ZFR2: variants seen among roughly 807,000 people sequenced by gnomAD.
ZFR2 encodes zinc finger RNA-binding protein 2.
ZFR2 carries 104 observed loss-of-function variants against 105.7 expected under a neutral mutation model. The observed-to-expected ratio is 0.98, with a 90% confidence interval of 0.84 to 1.16. The LOEUF (loss-of-function observed/expected upper bound fraction) is 1.16, where lower values mean the gene tolerates loss of function less well. Ranked by LOEUF, ZFR2 falls within the 50% of genes most tolerant of loss-of-function variation. The probability of loss-of-function intolerance (pLI) is 0.00; values close to 1 mark genes in which losing one functional copy is unlikely to be tolerated. For synonymous variants in ZFR2, 634 were observed against 597.7 expected (o/e 1.06, Z -0.89); for missense variants, 1,425 against 1,355.5 (o/e 1.05, Z -0.80).
rs533280560 is a variant in ZFR2, at chr19:3,816,883, A to G, written c.1932-38T>C. 5.3e-6 allele frequency: 8 copies of G among 1,518,942 alleles called. No individual in the cohort carries two copies. The East Asian group carries it at 2.0e-4, about 38-fold the overall frequency. The allele number at this position is 1,518,942 out of a possible 1,614,324, so 94.1% of individuals were successfully genotyped here. ...AGCCACAGACGTGCGCCATCAGCGG[A>G]GAGACGCGGGGTACCCCAGCTGCCT... is the stretch of plus-strand genomic sequence containing the variant. On this transcript the variant is annotated intron_variant, in intron 12 of 18. Coordinates refer to ENST00000262961, the MANE Select transcript of ZFR2 (RefSeq NM_015174.2).
chr19:3,831,799 C>T lies in ZFR2; in HGVS notation c.459G>A (p.Val153=), dbSNP rs749563244. 2 of 1,609,966 alleles carry T rather than the reference C, an allele frequency of 1.2e-6. No homozygotes were observed. The highest frequency in any genetic ancestry group is 1.3e-5 in the African/African-American group (1 of 74,974). Residue 153 remains valine (V), a synonymous_variant, in exon 4 of 19, where the codon GTG becomes GTA. Coordinates refer to ENST00000262961, the MANE Select transcript of ZFR2 (RefSeq NM_015174.2). ...HAQPPQQAPI[V]ESGQPASTLS... ...AGGTGCTCGCTGGCTGTCCGGACTCCACTATGGGCGCCTGCTGTGGGGGCT... is the reference window on the plus strand; with the variant it reads ...AGGTGCTCGCTGGCTGTCCGGACTCTACTATGGGCGCCTGCTGTGGGGGCT...
At chr19:3,832,696 G>A (rs1355536281) in intron 3 of ZFR2, among the ~76,000 whole-genome samples, 1 of 151,224 alleles carries the variant, frequency 6.6e-6, no homozygotes, top group Non-Finnish European at 1.5e-5. Context: ...GGAGTGCAGT[G>A]GTGCGATCAC....
intron 1 of ZFR2, among the ~76,000 whole-genome samples, chr19:3,835,421 G>A (rs968460905): frequency 6.6e-6 from 1 of 151,500 alleles, no homozygotes; most frequent in Admixed American, 6.6e-5. Context: ...CGCCTCCCAG[G>A]TTCAAGCAAT....
intron 1 of ZFR2, among the ~76,000 whole-genome samples, chr19:3,859,601 C>T (rs375663610): frequency 1.1e-4 from 16 of 152,348 alleles, no homozygotes; most frequent in African/African-American, 3.6e-4. Context: ...TCTGCGACTG[C>T]GTGCAGCGTG....
chr19:3,807,367 CGTG>C, intron 17 of ZFR2, 98 bp from the exon 18 acceptor site: 2 of 846,500 alleles, frequency 2.4e-6, no homozygotes, highest in Non-Finnish European at 3.8e-6. Flanking sequence ...CTCAGGGGCC[CGTG>C]CATGGGGCTA....
chr19:3,806,513 G>T (rs919350882), intron 18 of ZFR2, among the ~76,000 whole-genome samples: 4 of 152,344 alleles, frequency 2.6e-5, no homozygotes, highest in Middle Eastern at 6.8e-3. Context: ...GCCCGCCTCG[G>T]CTTCCCAAAG....
chr19:3,827,322 G>T, intron 6 of ZFR2, 149 bp downstream of exon 6: 2 of 838,410 alleles, frequency 2.4e-6, no homozygotes, highest in Middle Eastern at 3.7e-4. Flanking sequence ...GGACGCATGG[G>T]CCTGGGCGGC....
chr19:3,806,046 C>T lies in ZFR2; in HGVS notation c.2723G>A (p.Gly908Glu). 1 of 1,538,110 alleles carries T rather than the reference C, an allele frequency of 6.5e-7. No individual in the cohort carries two copies. Among genetic ancestry groups the T allele is most frequent in the Non-Finnish European group, 8.7e-7 (1 of 1,143,102 alleles). ...CCGTTGCCTCTTCCGGAAGCGGGCC[C>T]CCAGCCGGTGTCTGGGCGGCAGGAG... is the stretch of plus-strand genomic sequence containing the variant. ...MDLLPPRHRL[G>E]ARFRKRQRGP... Residue 908 changes from glycine (G) to glutamate (E), a missense_variant, in exon 19 of 19, where the codon GGG becomes GAG. Physicochemically the swap from Gly to Glu is moderately conservative, Grantham distance 98. Coordinates refer to ENST00000262961, the MANE Select transcript of ZFR2 (RefSeq NM_015174.2).
rs907194183 is a variant in ZFR2, at chr19:3,813,330, C to T, written c.2242+490G>A. On this transcript the variant is annotated intron_variant, in intron 14 of 18. Transcript: ENST00000262961. This position sits in a 1 kb window ranked among gnomAD's most constrained non-coding sequence, Gnocchi z 4.4. ...GACCCTCGCTGCCCCTAGCCTGGCC[C>T]GGCCCCTCACCCACCCTCCCAGGCC... is the stretch of plus-strand genomic sequence containing the variant. Among the ~76,000 whole-genome samples, 4 of 152,162 alleles carry T rather than the reference C, an allele frequency of 2.6e-5. No homozygotes were observed. Among genetic ancestry groups the T allele is most frequent in the African/African-American group, 7.2e-5 (3 of 41,432 alleles).
At chr19:3,857,868 C>T (rs749695446) in intron 1 of ZFR2, among the ~76,000 whole-genome samples, 25 of 152,066 alleles carry the variant, frequency 1.6e-4, no homozygotes, top group Non-Finnish European at 3.1e-4. Context: ...AACAAGCACG[C>T]GCTGGTGCTG....
intron 1 of ZFR2, among the ~76,000 whole-genome samples, chr19:3,868,077 C>T (rs1264928491): frequency 6.6e-6 from 1 of 151,976 alleles, no homozygotes; most frequent in African/African-American, 2.4e-5. Flanking sequence ...CCTTCCCCTC[C>T]TCCTGCCCAG....
rs1003157736 is a variant in ZFR2, at chr19:3,813,037, G to A, written c.2242+783C>T. On this transcript the variant is annotated intron_variant, in intron 14 of 18. Transcript: ENST00000262961. The surrounding 1 kb of genome is among the most constrained non-coding windows in gnomAD (Gnocchi z 4.4). ...GGAAGTTGCAGTGAGCTGAGATTGCGCCATTGCACTCCAGCCTGGGCAACA... is the reference window on the plus strand; with the variant it reads ...GGAAGTTGCAGTGAGCTGAGATTGCACCATTGCACTCCAGCCTGGGCAACA... Among the ~76,000 whole-genome samples the A allele has an allele frequency of 1.3e-5, 2 of 152,268 alleles. No homozygotes were observed. The highest frequency in any genetic ancestry group is 2.4e-5 in the African/African-American group (1 of 41,554).
Position 3,827,620 on chromosome 19 carries a change from T to C in ZFR2, c.886A>G (p.Arg296Gly). The change falls in exon 6 of 19, where the codon AGA becomes GGA. Residue 296 changes from arginine to glycine, a missense_variant. Physicochemically the swap from Arg to Gly is moderately radical, Grantham distance 125. Transcript: ENST00000262961. ...YREHLGGQKH[R>G]KKEAAQKTGV... is the part of the protein sequence containing the mutation. ...GTCTTCTGGGCCGCCTCCTTCTTTCTGTGCTTCTGCCCTCCCAGATGTTCC... is the reference window on the plus strand; with the variant it reads ...GTCTTCTGGGCCGCCTCCTTCTTTCCGTGCTTCTGCCCTCCCAGATGTTCC... The C allele has an allele frequency of 6.3e-7, 1 of 1,584,180 alleles. No homozygotes were observed. The highest frequency in any genetic ancestry group is 2.3e-5 in the East Asian group (1 of 43,098).
At chr19:3,830,715 AAAG>A (rs933368512) in intron 5 of ZFR2, among the ~76,000 whole-genome samples, 2 of 152,146 alleles carry the variant, frequency 1.3e-5, no homozygotes, top group African/African-American at 2.4e-5. Context: ...ATTAAAAACA[AAAG>A]AAGATCAGGG....
At chr19:3,847,650 G>A (rs189303479) in intron 1 of ZFR2, among the ~76,000 whole-genome samples, 1 of 152,314 alleles carries the variant, frequency 6.6e-6, no homozygotes, top group Admixed American at 6.5e-5. Flanking sequence ...CACGGGGAGA[G>A]GCTCAGGCCT....
chr19:3,818,574 A>G (rs929930202), intron 12 of ZFR2, among the ~76,000 whole-genome samples: 30 of 152,180 alleles, frequency 2.0e-4, no homozygotes, highest in African/African-American at 2.2e-4. Context: ...CTCCATGGCA[A>G]TTACTTAGAC....
chr19:3,821,578 T>C, intron 9 of ZFR2, 99 bp from the exon 10 acceptor site: 1 of 1,126,736 alleles, frequency 8.9e-7, no homozygotes. Context: ...AGACTAGAAC[T>C]GTTGGGCTGA....
At chr19:3,827,183 AGT>A (rs1317812821) in intron 6 of ZFR2, among the ~76,000 whole-genome samples, 2 of 152,220 alleles carry the variant, frequency 1.3e-5, no homozygotes, top group African/African-American at 2.4e-5. Flanking sequence ...CAGAGGTTGC[AGT>A]GAGCCGAGAT....
Position 3,858,613 on chromosome 19 carries a change from T to C in ZFR2, c.53+10352A>G, listed in dbSNP as rs1599256618. Among the ~76,000 whole-genome samples the C allele has an allele frequency of 6.6e-6, 1 of 151,540 alleles. No individual in the cohort carries two copies. The highest frequency in any genetic ancestry group is 6.6e-5 in the Admixed American group (1 of 15,198). On this transcript the variant is annotated intron_variant, in intron 1 of 18. Coordinates refer to ENST00000262961, the MANE Select transcript of ZFR2 (RefSeq NM_015174.2). The surrounding 1 kb of genome is among the most constrained non-coding windows in gnomAD (Gnocchi z 4.3). The stretch of plus-strand genomic sequence containing the variant: ...CAGGCGGATCACCTGAGGTCAGGAG[T>C]TCAAGACCAGCCTGGACAACATGGT...
Sources: allele counts gnomAD v4.1 joint callset (sites outside exome capture counted in the v4.1 genomes callset), GRCh38; gene constraint gnomAD v4.1.1; non-coding constraint Gnocchi (gnomAD v3.1); transcripts MANE v1.5; gene names NCBI Gene and HGNC (gene_info 2026-07-23, HGNC 2026-07-21).